Variants in FRMD4A observed in about 807,000 individuals in gnomAD.
The protein encoded by FRMD4A is FERM domain-containing protein 4A.
FRMD4A carries 29 observed loss-of-function variants against 129.1 expected under a neutral mutation model. The observed-to-expected ratio is 0.22, with a 90% CI of 0.17 to 0.31. The LOEUF (loss-of-function observed/expected upper bound fraction) is 0.31. Among genes scored for constraint, FRMD4A ranks in the 10% least tolerant of loss-of-function variants. The pLI is 1.00. For synonymous variants in FRMD4A, 634 were observed against 571.6 expected (o/e 1.11, Z -1.56); for missense variants, 1,272 against 1,375.8 (o/e 0.92, Z 1.19).
intron 2 of FRMD4A, among the ~76,000 whole-genome samples, chr10:14,297,757 T>A (rs951633676): frequency 1.2e-4 from 19 of 152,126 alleles, no homozygotes; most frequent in Non-Finnish European, 1.9e-4. Context: ...GGACAGTTGA[T>A]GATTGAGGGC....
At chr10:14,330,400 C>T (rs1265975258) in intron 1 of FRMD4A, among the ~76,000 whole-genome samples, 197 bp downstream of exon 1, 3 of 152,054 alleles carry the variant, frequency 2.0e-5, no homozygotes. Context: ...ACAGGGAGAC[C>T]GCATCAAACA....
At chr10:13,853,233 TATC>T (rs1350562486) in intron 3 of FRMD4A, among the ~76,000 whole-genome samples, 1 of 152,098 alleles carries the variant, frequency 6.6e-6, no homozygotes, top group East Asian at 1.9e-4. Flanking sequence ...GTAAAGCTCT[TATC>T]ATCAAAGGGA....
intron 15 of FRMD4A, chr10:13,693,339 A>G (rs1158628790): frequency 1.3e-5 from 3 of 234,720 alleles, no homozygotes; most frequent in Non-Finnish European, 2.4e-5. Context: ...TCAAAAGACA[A>G]AATGACTTGG....
chr10:14,138,527 G>A (rs928662106), intron 2 of FRMD4A, among the ~76,000 whole-genome samples: 5 of 151,972 alleles, frequency 3.3e-5, no homozygotes, highest in East Asian at 1.9e-4. Context: ...TTGGGAGGCT[G>A]ATGAGGGCAG....
intron 2 of FRMD4A, among the ~76,000 whole-genome samples, chr10:14,002,397 C>T (rs1411980672): frequency 6.6e-6 from 1 of 152,170 alleles, no homozygotes; most frequent in Non-Finnish European, 1.5e-5. Flanking sequence ...GCTTTCTCCG[C>T]TTGTACTGAC....
chr10:14,281,337 C>T (rs1162533406), intron 2 of FRMD4A, among the ~76,000 whole-genome samples: 3 of 152,200 alleles, frequency 2.0e-5, no homozygotes, highest in Admixed American at 6.6e-5. Flanking sequence ...ACTGGTACAG[C>T]AGGAAGACTA....
At chr10:13,691,680 C>A (rs200517150) in intron 15 of FRMD4A, among the ~76,000 whole-genome samples, 1 of 152,140 alleles carries the variant, frequency 6.6e-6, no homozygotes, top group East Asian at 1.9e-4. Flanking sequence ...TCGATGCACG[C>A]CGAAGTTTGA....
chr10:13,888,167 T>C (rs1279058764), intron 2 of FRMD4A, among the ~76,000 whole-genome samples: 3 of 152,182 alleles, frequency 2.0e-5, no homozygotes, highest in Non-Finnish European at 2.9e-5. Context: ...TTCAGTCTGA[T>C]TATGGCTGGA....
chr10:14,145,604 A>G (rs1840036414), intron 2 of FRMD4A, among the ~76,000 whole-genome samples: 1 of 152,244 alleles, frequency 6.6e-6, no homozygotes, highest in Non-Finnish European at 1.5e-5. Context: ...CTAGTTTAGT[A>G]TAACTAGTTT....
intron 14 of FRMD4A, among the ~76,000 whole-genome samples, chr10:13,698,496 A>T (rs1483336366): frequency 6.6e-6 from 1 of 152,220 alleles, no homozygotes; most frequent in Non-Finnish European, 1.5e-5. Flanking sequence ...CCAGAAACAG[A>T]AAGGTGTTGT....
At chr10:14,029,538 T>G (rs1020701165) in intron 2 of FRMD4A, among the ~76,000 whole-genome samples, 2 of 152,234 alleles carry the variant, frequency 1.3e-5, no homozygotes, top group Non-Finnish European at 2.9e-5. Context: ...AATGTGTTCC[T>G]TGAACCATTT....
intron 2 of FRMD4A, among the ~76,000 whole-genome samples, chr10:14,269,694 G>C (rs1845095773): frequency 6.6e-6 from 1 of 152,148 alleles, no homozygotes; most frequent in African/African-American, 2.4e-5. Flanking sequence ...ACATCTCAAA[G>C]CCCTTAAGCT....
At chr10:13,689,523 A>T (rs1381930833) in intron 15 of FRMD4A, among the ~76,000 whole-genome samples, 1 of 139,626 alleles carries the variant, frequency 7.2e-6, no homozygotes, top group African/African-American at 2.7e-5. Flanking sequence ...GGTACCATAC[A>T]CTCTAGGAAC....
chr10:14,069,210 G>A (rs1835204466), intron 2 of FRMD4A, among the ~76,000 whole-genome samples: 1 of 152,100 alleles, frequency 6.6e-6, no homozygotes, highest in Non-Finnish European at 1.5e-5. Flanking sequence ...TTATTTCTTG[G>A]TCTGCCACTA....
intron 2 of FRMD4A, among the ~76,000 whole-genome samples, chr10:14,211,047 G>T (rs1018528242): frequency 1.3e-5 from 2 of 152,082 alleles, no homozygotes; most frequent in African/African-American, 4.8e-5. Flanking sequence ...TTTTTAGGAA[G>T]TTTTATCTTA....
chr10:14,085,665 G>A (rs1029335813), intron 2 of FRMD4A, among the ~76,000 whole-genome samples: 1 of 152,220 alleles, frequency 6.6e-6, no homozygotes, highest in Non-Finnish European at 1.5e-5. Context: ...GTGGAACACA[G>A]AGCAAAATGG....
At chr10:14,011,182 A>G (rs150643013) in intron 2 of FRMD4A, among the ~76,000 whole-genome samples, 1 of 152,352 alleles carries the variant, frequency 6.6e-6, no homozygotes, top group East Asian at 1.9e-4. Context: ...AAAGGAAGAT[A>G]CATCCATTGA....
chr10:14,125,179 G>A (rs920523286), intron 2 of FRMD4A, among the ~76,000 whole-genome samples: 7 of 152,140 alleles, frequency 4.6e-5, no homozygotes, highest in African/African-American at 4.8e-5. Context: ...GATCACCGTC[G>A]ATGACTATGC....
In FRMD4A at chr10:14,272,991, G is replaced by A. The variant is rs1218349; in HGVS notation, c.45+57067C>T. ...AGCACTTTGGTAACCTGAGGCAGACGGATTGCCTGAGCTCAGGAGTTCAAG... is the reference window on the plus strand; with the variant it reads ...AGCACTTTGGTAACCTGAGGCAGACAGATTGCCTGAGCTCAGGAGTTCAAG... On this transcript the variant is annotated intron_variant, in intron 2 of 24. Coordinates refer to ENST00000357447, the MANE Select transcript of FRMD4A (RefSeq NM_018027.5). Among the ~76,000 whole-genome samples the A allele has an allele frequency of 3.3e-3, 508 of 151,782 alleles. 2 individuals are homozygous for A. Among genetic ancestry groups the A allele is most frequent in the African/African-American group, 0.012 (486 of 41,388 alleles).
Sources: allele counts gnomAD v4.1 joint callset (sites outside exome capture counted in the v4.1 genomes callset), GRCh38; gene constraint gnomAD v4.1.1; transcripts MANE v1.5; gene names NCBI Gene and HGNC (gene_info 2026-07-23, HGNC 2026-07-21).